The following SLC9A3 variants were observed in gnomAD, a reference collection of about 807,000 sequenced individuals.
The protein encoded by SLC9A3 is sodium/hydrogen exchanger 3.
A neutral mutation model predicts 86.8 loss-of-function variants in SLC9A3; 37 were observed. That is an observed-to-expected ratio of 0.43 (90% CI 0.33 to 0.56). The LOEUF is 0.56. Ranked by LOEUF, SLC9A3 falls within the 20% of genes least tolerant of loss-of-function variation. The pLI is 0.06. For missense variants in SLC9A3, 1,011 were observed against 1,171.9 expected, an observed-to-expected ratio of 0.86 and a Z score of 2.00; for synonymous variants, 581 against 528.3, an observed-to-expected ratio of 1.10 and a Z score of -1.37.
intron 1 of SLC9A3, among the ~76,000 whole-genome samples, chr5:506,792 G>A (rs1195953991): frequency 1.3e-5 from 2 of 152,106 alleles, no homozygotes; most frequent in African/African-American, 4.8e-5. Context: ...TGGGGGCCGG[G>A]CGCGGTGGCT....
chr5:518,026 C>T (rs114557588), intron 1 of SLC9A3, among the ~76,000 whole-genome samples: 133 of 152,328 alleles, frequency 8.7e-4, no homozygotes, highest in African/African-American at 3.0e-3. Context: ...TTCACTCATC[C>T]ATCCATCCAT....
intron 15 of SLC9A3, 49 bp downstream of exon 15, chr5:475,512 G>T (rs552344972): frequency 7.7e-6 from 9 of 1,164,896 alleles, no homozygotes; most frequent in Non-Finnish European, 1.1e-5. Flanking sequence ...CTCCTGGGGC[G>T]GCAGGAGCCA....
chr5:504,371 G>A (rs867062459), intron 1 of SLC9A3, among the ~76,000 whole-genome samples: 2 of 152,206 alleles, frequency 1.3e-5, no homozygotes, highest in African/African-American at 2.4e-5. Context: ...ATAGCCCCCC[G>A]GGGCTGCAGC....
chr5:512,222 A>G (rs769428775), intron 1 of SLC9A3, among the ~76,000 whole-genome samples: 5 of 152,246 alleles, frequency 3.3e-5, no homozygotes, highest in Non-Finnish European at 5.9e-5. Flanking sequence ...ACAGAAGTGT[A>G]ACACCAAGAA....
intron 1 of SLC9A3, among the ~76,000 whole-genome samples, chr5:508,104 G>A (rs1005215920): frequency 2.6e-5 from 4 of 152,258 alleles, no homozygotes; most frequent in African/African-American, 9.6e-5. Flanking sequence ...CCAGGGGAAG[G>A]GGTGACCAGT....
Position 479,926 on chromosome 5 carries a change from G to T in SLC9A3, c.1557C>A (p.Leu519=). ...HFDRKFLSRV[L]MRRSAQKSRD... is the part of the protein sequence containing the mutation. ...GAGACTTCTGGGCCGACCGTCTCAT[G>T]AGGACCCTGCTGAGGAACTTCCTGT... The change falls in exon 10 of 17, where the codon CTC becomes CTA. Residue 519 remains leucine (L), a synonymous_variant. Coordinates refer to ENST00000264938, the MANE Select transcript of SLC9A3 (RefSeq NM_004174.4). 3.1e-6 allele frequency: 5 copies of T among 1,613,994 alleles called. No individual in the cohort carries two copies. Among genetic ancestry groups the T allele is most frequent in the Non-Finnish European group, 4.2e-6 (5 of 1,179,972 alleles).
At position 479,936 on chromosome 5, in the gene SLC9A3, C is replaced by T; in HGVS notation, c.1547G>A (p.Ser516Asn). The T allele has an allele frequency of 6.2e-7, 1 of 1,613,960 alleles. No individual in the cohort carries two copies. Among genetic ancestry groups the T allele is most frequent in the Non-Finnish European group, 8.5e-7 (1 of 1,179,956 alleles). The change falls in exon 10 of 17, where the codon AGC becomes AAC. Residue 516 changes from serine (S) to asparagine (N), a missense_variant. Transcript: ENST00000264938. Reference sequence around the variant, plus strand: ...GGCCGACCGTCTCATGAGGACCCTGCTGAGGAACTTCCTGTCGAAGTGGGA... The same window carrying T: ...GGCCGACCGTCTCATGAGGACCCTGTTGAGGAACTTCCTGTCGAAGTGGGA... ...KWSHFDRKFL[S>N]RVLMRRSAQK...
chr5:495,310 AGG>A lies in SLC9A3; in HGVS notation c.212-3241_212-3240del, dbSNP rs559230419. Among the ~76,000 whole-genome samples the A allele has an allele frequency of 4.1e-3, 624 of 152,240 alleles. 6 individuals carry two copies. Among genetic ancestry groups the A allele is most frequent in the African/African-American group, 0.014 (583 of 41,530 alleles). On this transcript the variant is annotated intron_variant, in intron 1 of 16. Transcript: ENST00000264938. Reference sequence around the variant, plus strand: ...CCGCGGGCCAGCAAGTCAGGGACACAGGGACACAGGGACCAGCTTTGTCTTTA... The same window carrying A: ...CCGCGGGCCAGCAAGTCAGGGACACAGACACAGGGACCAGCTTTGTCTTTA...
intron 15 of SLC9A3, 143 bp downstream of exon 15, chr5:475,418 T>TG: frequency 1.6e-6 from 1 of 631,166 alleles, no homozygotes; most frequent in Admixed American, 2.8e-5. Flanking sequence ...GGGCACTCAG[T>TG]GGGTGCCAAG....
At position 472,297 on chromosome 5, in the gene SLC9A3, A is replaced by G. The variant is rs551925049; in HGVS notation, c.*1082T>C. 1.4e-4 allele frequency: 49 copies of G among 343,934 alleles called. No homozygotes were observed. The highest frequency in any genetic ancestry group is 9.9e-4 in the African/African-American group (46 of 46,620). 21.3% of individuals were successfully genotyped at this position (343,934 alleles called of 1,614,324 possible). A position where few individuals can be genotyped will look rare whatever the true frequency, so the allele number is the denominator to read the frequency against. Reference sequence around the variant, plus strand: ...GGGGTCCGGGGTCTAGGACAGGCTCAGGGGTCTCAGCAGGTTCTCCTTGGA... The same window carrying G: ...GGGGTCCGGGGTCTAGGACAGGCTCGGGGGTCTCAGCAGGTTCTCCTTGGA... On this transcript the variant is annotated 3_prime_UTR_variant, in exon 17 of 17. Coordinates refer to ENST00000264938, the MANE Select transcript of SLC9A3 (RefSeq NM_004174.4).
chr5:475,026 C>G lies in SLC9A3; in HGVS notation c.2358G>C (p.Arg786Ser). 6.2e-7 allele frequency: 1 copy of G among 1,612,250 alleles called. No homozygotes were observed. The highest frequency in any genetic ancestry group is 8.5e-7 in the Non-Finnish European group (1 of 1,179,740). Residue 786 changes from arginine to serine, a missense_variant, in exon 16 of 17, where the codon AGG becomes AGC. Transcript: ENST00000264938. ...SPGETVVPSQ[R>S]ARTQIPYSPG... ...GAGAGTAGGGAATCTGCGTGCGGGC[C>G]CTCTGCGAGGGGACCACCGTCTCCC...
chr5:514,614 C>T (rs1166449708), intron 1 of SLC9A3, among the ~76,000 whole-genome samples: 3 of 152,248 alleles, frequency 2.0e-5, no homozygotes, highest in Non-Finnish European at 4.4e-5. Context: ...TCTGCCTTCA[C>T]CGTCTGGTCA....
chr5:494,285 C>T (rs1739924459), intron 1 of SLC9A3, among the ~76,000 whole-genome samples: 1 of 152,260 alleles, frequency 6.6e-6, no homozygotes, highest in Non-Finnish European at 1.5e-5. Flanking sequence ...ACAGGGGCCC[C>T]TCTTCTCTGG....
At chr5:519,311 C>T (rs1733817884) in intron 1 of SLC9A3, among the ~76,000 whole-genome samples, 1 of 152,190 alleles carries the variant, frequency 6.6e-6, no homozygotes, top group African/African-American at 2.4e-5. Context: ...ACCTCCTTTC[C>T]TATGCTTCTT....
intron 3 of SLC9A3, among the ~76,000 whole-genome samples, chr5:486,515 G>A (rs1019806027): frequency 1.2e-4 from 18 of 152,140 alleles, no homozygotes; most frequent in African/African-American, 3.4e-4. Context: ...TGGAGGCACC[G>A]TCCCCGCCTC....
rs374138941 is a variant in SLC9A3 at position 483,527 on chromosome 5, G to A, written c.933-45C>T. ...TCAGGACACGGCCACCTGGCCTGGCGCCCGAGGCCCCCGTGTCCGCCCAGC... is the reference window on the plus strand; with the variant it reads ...TCAGGACACGGCCACCTGGCCTGGCACCCGAGGCCCCCGTGTCCGCCCAGC... On this transcript the variant is annotated intron_variant, in intron 5 of 16. Coordinates refer to ENST00000264938, the MANE Select transcript of SLC9A3 (RefSeq NM_004174.4). 139 of 1,389,392 alleles carry A rather than the reference G, an allele frequency of 1.0e-4. No individual in the cohort carries two copies. In the African/African-American group the frequency reaches 1.5e-3, roughly 15 times the overall value. 86.1% of individuals were successfully genotyped at this position (1,389,392 alleles called of 1,614,324 possible).
In SLC9A3 at chr5:472,166, A is replaced by C. The variant is rs1295825714; in HGVS notation, c.*1213T>G. The C allele has an allele frequency of 1.3e-5, 5 of 374,782 alleles. No individual in the cohort carries two copies. The highest frequency in any genetic ancestry group is 8.0e-5 in the South Asian group (4 of 50,132). 23.2% of individuals were successfully genotyped at this position (374,782 alleles called of 1,614,324 possible). A position where few individuals can be genotyped will look rare whatever the true frequency, so the allele number is the denominator to read the frequency against. On this transcript the variant is annotated 3_prime_UTR_variant, in exon 17 of 17. Transcript: ENST00000264938. ...CAGCACCCGCGGCCTCCGCCCACTC[A>C]ATGGACTGTGCCTCCCAGAGCTTGG...
In SLC9A3 at chr5:470,901, C is replaced by G. The variant is rs559986969; in HGVS notation, c.*2478G>C. The G allele has an allele frequency of 6.6e-6, 1 of 152,496 alleles. No homozygotes were observed. The highest frequency in any genetic ancestry group is 2.1e-4 in the South Asian group (1 of 4,828). The allele number at this position is 152,496 out of a possible 1,614,324, so 9.4% of individuals were successfully genotyped here. On this transcript the variant is annotated 3_prime_UTR_variant, in exon 17 of 17. Transcript: ENST00000264938. ...CCTAATAAAAGTTTTTACAAGTTTTCCTAAGGAAATACATTCATAAGACTG... is the reference window on the plus strand; with the variant it reads ...CCTAATAAAAGTTTTTACAAGTTTTGCTAAGGAAATACATTCATAAGACTG...
chr5:475,955 G>T, intron 14 of SLC9A3, 65 bp downstream of exon 14: 5 of 1,379,306 alleles, frequency 3.6e-6, no homozygotes, highest in Non-Finnish European at 5.0e-6. Context: ...TTCCCGAGCC[G>T]GGAGGGCTGG....
Sources: gnomAD v4.1 joint callset for allele counts (sites outside exome capture counted in the v4.1 genomes callset) on GRCh38, gnomAD v4.1.1 for gene constraint, MANE v1.5 for transcripts, NCBI Gene and HGNC (gene_info 2026-07-23, HGNC 2026-07-21) for gene names.